STPG2: variants seen among roughly 807,000 people sequenced by gnomAD.
STPG2 encodes sperm-tail PG-rich repeat-containing protein 2.
Under a neutral mutation model 54.2 loss-of-function variants are expected in STPG2, and 56 were observed. The observed-to-expected ratio is 1.03, with a 90% CI of 0.83 to 1.29. The LOEUF is 1.29. Ranked by LOEUF, STPG2 falls within the 50% of genes most tolerant of loss-of-function variation. STPG2 has a pLI of 0.00. For missense variants in STPG2, 596 were observed against 544.9 expected, an observed-to-expected ratio of 1.09 and a Z score of -0.93; for synonymous variants, 200 against 181.8, an observed-to-expected ratio of 1.10 and a Z score of -0.81.
At chr4:97,783,256 G>A (rs186404429) in intron 9 of STPG2, among the ~76,000 whole-genome samples, 2 of 152,136 alleles carry the variant, frequency 1.3e-5, no homozygotes, top group African/African-American at 4.8e-5. Flanking sequence ...GCATCAAAAA[G>A]TGGCCAAAGG....
chr4:97,655,941 C>T (rs1722208552), intron 10 of STPG2, among the ~76,000 whole-genome samples: 2 of 152,190 alleles, frequency 1.3e-5, no homozygotes, highest in South Asian at 4.1e-4. Flanking sequence ...ACTGTTATTT[C>T]ATATTTTTAA....
intron 3 of STPG2, among the ~76,000 whole-genome samples, chr4:98,113,507 C>T (rs140342292): frequency 2.6e-3 from 392 of 152,066 alleles, no homozygotes; most frequent in Middle Eastern, 0.02. Flanking sequence ...ATATTTCCAG[C>T]ACTGTACGTG....
Position 98,109,053 on chromosome 4 carries a change from T to C in STPG2, c.500+140A>G, listed in dbSNP as rs903272787. The stretch of plus-strand genomic sequence containing the variant: ...ATTTAAAAAATCAATAACTTTCATA[T>C]ACATTACACCAAAATGTAATACTTC... On this transcript the variant is annotated intron_variant, in intron 4 of 10. Coordinates refer to ENST00000295268, the MANE Select transcript of STPG2 (RefSeq NM_174952.3). 27 of 495,758 alleles carry C rather than the reference T, an allele frequency of 5.4e-5. No homozygotes were observed. In the Admixed American group the frequency reaches 6.0e-4, roughly 11 times the overall value. 30.7% of individuals were successfully genotyped at this position (495,758 alleles called of 1,614,324 possible).
intron 9 of STPG2, among the ~76,000 whole-genome samples, chr4:97,743,561 GA>G (rs1725332153): frequency 6.6e-6 from 1 of 151,590 alleles, no homozygotes; most frequent in Admixed American, 6.6e-5. Flanking sequence ...CTAATCTGAG[GA>G]AACAAGTTAA....
At position 97,667,252 on chromosome 4, in the gene STPG2, T is replaced by G. The variant is rs73834140; in HGVS notation, c.1320+45447A>C. Among the ~76,000 whole-genome samples, 1,104 of 152,338 alleles carry G rather than the reference T, an allele frequency of 7.2e-3. 13 individuals carry two copies. Among genetic ancestry groups the G allele is most frequent in the African/African-American group, 0.025 (1,028 of 41,578 alleles). On this transcript the variant is annotated intron_variant, in intron 10 of 10. Transcript: ENST00000295268. ...CGACAATATGTAATAGGGCTTCAAT[T>G]TAATTCAGTGTATTTCAATAACTAA...
At chr4:98,130,904 A>G (rs1739970002) in intron 2 of STPG2, among the ~76,000 whole-genome samples, 2 of 136,856 alleles carry the variant, frequency 1.5e-5, no homozygotes, top group South Asian at 5.4e-4. Context: ...CCTGGGAGAC[A>G]GAGCGAGACT....
At chr4:97,976,822 T>C (rs995583972) in intron 6 of STPG2, among the ~76,000 whole-genome samples, 5 of 152,144 alleles carry the variant, frequency 3.3e-5, no homozygotes, top group Admixed American at 1.3e-4. Flanking sequence ...CTTTGAAGGA[T>C]GTATAATATT....
chr4:97,639,728 G>C (rs540074151), intron 10 of STPG2, among the ~76,000 whole-genome samples: 2 of 151,958 alleles, frequency 1.3e-5, no homozygotes, highest in South Asian at 4.1e-4. Context: ...CAGCGAATTT[G>C]GGAAAACATG....
At chr4:97,680,853 C>T (rs1723011218) in intron 10 of STPG2, among the ~76,000 whole-genome samples, 4 of 151,868 alleles carry the variant, frequency 2.6e-5, no homozygotes, top group Admixed American at 2.6e-4. Flanking sequence ...AAATGTGTTG[C>T]ATTTATTTAT....
At chr4:97,599,052 T>A (rs968994059) in intron 10 of STPG2, among the ~76,000 whole-genome samples, 1 of 152,050 alleles carries the variant, frequency 6.6e-6, no homozygotes, top group African/African-American at 2.4e-5. Flanking sequence ...ATAAGTAACT[T>A]AAACAATTCT....
chr4:97,781,751 A>C (rs1462762285), intron 9 of STPG2, among the ~76,000 whole-genome samples: 1 of 152,226 alleles, frequency 6.6e-6, no homozygotes, highest in Non-Finnish European at 1.5e-5. Flanking sequence ...AGTGGGCTTC[A>C]TCCCTGGGAT....
intron 4 of STPG2, among the ~76,000 whole-genome samples, chr4:97,477,923 G>A (rs1011741595): frequency 6.6e-6 from 1 of 151,974 alleles, no homozygotes; most frequent in African/African-American, 2.4e-5. Context: ...CAGCTACTAC[G>A]TGATAAAAAC....
chr4:97,562,477 T>C (rs192223692), intron 10 of STPG2, among the ~76,000 whole-genome samples: 3 of 152,298 alleles, frequency 2.0e-5, no homozygotes, highest in South Asian at 2.1e-4. Context: ...TCCAACACTA[T>C]GTTGAATAGG....
intron 4 of STPG2, among the ~76,000 whole-genome samples, chr4:97,454,551 A>G (rs1434355016): frequency 2.1e-5 from 3 of 142,370 alleles, no homozygotes; most frequent in Non-Finnish European, 3.0e-5. Flanking sequence ...AAAAAAAAAA[A>G]AAAAAAGAAA....
chr4:97,952,980 T>A (rs562071250), intron 7 of STPG2, among the ~76,000 whole-genome samples: 2 of 152,218 alleles, frequency 1.3e-5, no homozygotes, highest in East Asian at 3.9e-4. Flanking sequence ...AGTGGTGGGA[T>A]TTGTACTTGC....
chr4:97,548,081 C>T (rs1013500659), intron 4 of STPG2, among the ~76,000 whole-genome samples: 6 of 152,058 alleles, frequency 3.9e-5, no homozygotes, highest in African/African-American at 1.4e-4. Flanking sequence ...ACCCTCGAGG[C>T]GGAGATTGTG....
At chr4:97,461,961 A>G (rs1007712654) in intron 4 of STPG2, among the ~76,000 whole-genome samples, 11 of 152,078 alleles carry the variant, frequency 7.2e-5, no homozygotes, top group Non-Finnish European at 1.5e-4. Context: ...GTCATTCAAT[A>G]TATCATCTTT....
At chr4:97,890,494 A>C (rs1466938458) in intron 8 of STPG2, among the ~76,000 whole-genome samples, 1 of 151,898 alleles carries the variant, frequency 6.6e-6, no homozygotes, top group East Asian at 1.9e-4. Context: ...AAAAATCCAA[A>C]TAGAAATGAT....
At chr4:98,125,642 G>C (rs1241366532) in intron 3 of STPG2, among the ~76,000 whole-genome samples, 1 of 152,198 alleles carries the variant, frequency 6.6e-6, no homozygotes, top group Non-Finnish European at 1.5e-5. Flanking sequence ...ACCCAGACAG[G>C]AGGAACAAGA....
Sources: gnomAD v4.1 joint callset for allele counts (sites outside exome capture counted in the v4.1 genomes callset) on GRCh38, gnomAD v4.1.1 for gene constraint, MANE v1.5 for transcripts, NCBI Gene and HGNC (gene_info 2026-07-23, HGNC 2026-07-21) for gene names.